TBX15: variants seen among roughly 807,000 people sequenced by gnomAD.
TBX15 encodes the protein T-box transcription factor TBX15.
Under a neutral mutation model 53.9 loss-of-function variants are expected in TBX15, and 18 were observed. The ratio of observed to expected loss-of-function variants is 0.33; its 90% CI spans 0.23 to 0.49. The LOEUF (loss-of-function observed/expected upper bound fraction) is 0.49. Ranked by LOEUF, TBX15 falls within the 20% of genes least tolerant of loss-of-function variation. The pLI, the probability that TBX15 is intolerant of heterozygous loss-of-function variation, is 0.98. For missense variants in TBX15, 692 were observed against 749.5 expected, an observed-to-expected ratio of 0.92 and a Z score of 0.90; for synonymous variants, 295 against 278.0, an observed-to-expected ratio of 1.06 and a Z score of -0.61.
At chr1:118,919,954 A>C (rs1779432) in intron 5 of TBX15, among the ~76,000 whole-genome samples, 150,395 of 152,260 alleles carry the variant, frequency 0.99, 74,281 homozygotes, top group East Asian at 1. Context: ...TCATAAAAGT[A>C]CCCATATTTC....
chr1:118,949,996 G>C (rs577602582), intron 1 of TBX15, among the ~76,000 whole-genome samples: 24 of 152,260 alleles, frequency 1.6e-4, no homozygotes, highest in African/African-American at 5.8e-4. Context: ...TCCCTTCTGT[G>C]GTCCCTGAGA....
intron 7 of TBX15, among the ~76,000 whole-genome samples, chr1:118,891,426 C>G (rs1399795734): frequency 6.6e-6 from 1 of 152,156 alleles, no homozygotes; most frequent in Non-Finnish European, 1.5e-5. Context: ...CAGCATGCAT[C>G]TGTTATCTTC....
rs117678724 is a variant in TBX15 at position 118,933,252 on chromosome 1, A to G, written c.206-1420T>C. Among the ~76,000 whole-genome samples the G allele has an allele frequency of 2.1e-4, 32 of 152,254 alleles. No individual in the cohort carries two copies. The East Asian group carries it at 5.8e-3, about 28-fold the overall frequency. ...TAACAGCTGTGTCAAAGCCACAGGGAATAAAGTGCCCACAGGGGAAAAAGT... is the reference window on the plus strand; with the variant it reads ...TAACAGCTGTGTCAAAGCCACAGGGGATAAAGTGCCCACAGGGGAAAAAGT... On this transcript the variant is annotated intron_variant, in intron 1 of 7. Transcript: ENST00000369429.
At chr1:118,898,443 TA>T (rs1260713332) in intron 7 of TBX15, among the ~76,000 whole-genome samples, 1 of 152,104 alleles carries the variant, frequency 6.6e-6, no homozygotes, top group Non-Finnish European at 1.5e-5. Flanking sequence ...AGAAAAATTA[TA>T]AATTGGATAA....
At chr1:118,986,558 C>T (rs1424832948) in intron 1 of TBX15, among the ~76,000 whole-genome samples, 1 of 152,178 alleles carries the variant, frequency 6.6e-6, no homozygotes, top group Non-Finnish European at 1.5e-5. Context: ...AGTTGGACAG[C>T]TTTGTGGCTG....
chr1:118,900,848 A>G (rs1473980888), intron 6 of TBX15, among the ~76,000 whole-genome samples: 2 of 152,146 alleles, frequency 1.3e-5, no homozygotes, highest in African/African-American at 4.8e-5. Context: ...TTGTTTTGGA[A>G]TGTTGGCCAC....
At position 118,926,793 on chromosome 1, in the gene TBX15, C is replaced by T. The variant is rs962451547; in HGVS notation, c.420-182G>A. Reference sequence around the variant, plus strand: ...CAATCTTGGCTCACTGCCACCTCCACCTCCCGAGTTCAAGGGATTCTTCTG... The same window carrying T: ...CAATCTTGGCTCACTGCCACCTCCATCTCCCGAGTTCAAGGGATTCTTCTG... On this transcript the variant is annotated intron_variant, in intron 2 of 7. Coordinates refer to ENST00000369429, the MANE Select transcript of TBX15 (RefSeq NM_001330677.2). Among the ~76,000 whole-genome samples the T allele has an allele frequency of 6.6e-5, 10 of 152,292 alleles. No homozygotes were observed. The East Asian group carries it at 1.9e-3, about 29-fold the overall frequency.
chr1:118,946,311 T>A (rs1656346085), intron 1 of TBX15, among the ~76,000 whole-genome samples: 1 of 152,166 alleles, frequency 6.6e-6, no homozygotes, highest in African/African-American at 2.4e-5. Flanking sequence ...AAGAGGTTAT[T>A]AACCTAAAGT....
chr1:118,976,294 T>C (rs1657430209), intron 1 of TBX15, among the ~76,000 whole-genome samples: 1 of 152,168 alleles, frequency 6.6e-6, no homozygotes, highest in South Asian at 2.1e-4. Flanking sequence ...CTTTCTTCTT[T>C]TATTCTTGTT....
intron 1 of TBX15, among the ~76,000 whole-genome samples, chr1:118,984,909 C>T (rs551882629): frequency 1.3e-5 from 2 of 152,294 alleles, no homozygotes; most frequent in Admixed American, 1.3e-4. Flanking sequence ...CTAAAGCCAG[C>T]TCTGTCCAGA....
intron 7 of TBX15, among the ~76,000 whole-genome samples, chr1:118,889,233 C>T (rs538860514): frequency 6.6e-6 from 1 of 152,206 alleles, no homozygotes; most frequent in East Asian, 1.9e-4. Flanking sequence ...AAAGAGAAGA[C>T]TATGGTATTC....
chr1:118,886,377 A>G (rs1653944954), intron 7 of TBX15, among the ~76,000 whole-genome samples: 1 of 152,114 alleles, frequency 6.6e-6, no homozygotes, highest in South Asian at 2.1e-4. Context: ...ACTCTGCCAC[A>G]CTAACTGCCC....
At chr1:118,951,650 T>TCTC (rs575641473) in intron 1 of TBX15, among the ~76,000 whole-genome samples, 3,307 of 152,136 alleles carry the variant, frequency 0.022, 62 homozygotes, top group Non-Finnish European at 0.035. Flanking sequence ...TGCAACATCT[T>TCTC]ATTGTTCCTG....
intron 2 of TBX15, among the ~76,000 whole-genome samples, chr1:118,929,298 G>A (rs1655705878): frequency 6.6e-6 from 1 of 152,114 alleles, no homozygotes; most frequent in Admixed American, 6.6e-5. Flanking sequence ...AAAAAGGAGA[G>A]AAAGCCATAT....
chr1:118,978,171 C>T (rs4659137), intron 1 of TBX15, among the ~76,000 whole-genome samples: 118,972 of 152,234 alleles, frequency 0.78, 46,731 homozygotes, highest in East Asian at 0.86. Context: ...CTGTTGAACA[C>T]GTGATATTAA....
At chr1:118,923,089 A>G (rs1655476543) in intron 5 of TBX15, among the ~76,000 whole-genome samples, 1 of 151,550 alleles carries the variant, frequency 6.6e-6, no homozygotes, top group Non-Finnish European at 1.5e-5. Flanking sequence ...CTCGTATCAG[A>G]GCTTGAAAAA....
At chr1:118,910,648 A>AT (rs1245050433) in intron 6 of TBX15, among the ~76,000 whole-genome samples, 3 of 152,292 alleles carry the variant, frequency 2.0e-5, no homozygotes, top group Admixed American at 2.0e-4. Flanking sequence ...TTATCAGGTA[A>AT]TTTTGAGATA....
chr1:118,948,363 T>G (rs779804074), intron 1 of TBX15, among the ~76,000 whole-genome samples: 5 of 151,778 alleles, frequency 3.3e-5, no homozygotes, highest in Admixed American at 6.6e-5. Flanking sequence ...GCCAAATTGC[T>G]CTAATTATTT....
intron 1 of TBX15, among the ~76,000 whole-genome samples, chr1:118,965,598 C>T (rs1657012591): frequency 6.6e-6 from 1 of 152,204 alleles, no homozygotes. Context: ...TCTATAAGTG[C>T]TATCACAAGA....
Sources: gnomAD v4.1 joint callset for allele counts (sites outside exome capture counted in the v4.1 genomes callset) on GRCh38, gnomAD v4.1.1 for gene constraint, MANE v1.5 for transcripts, NCBI Gene and HGNC (gene_info 2026-07-23, HGNC 2026-07-21) for gene names.